The following ITGA8 variants were observed in gnomAD, a reference collection of about 807,000 sequenced individuals.
The protein encoded by ITGA8 is integrin alpha-8.
ITGA8 carries 91 observed loss-of-function variants against 142.3 expected under a neutral mutation model. That is an observed-to-expected ratio of 0.64 (90% confidence interval 0.54 to 0.76). The LOEUF (loss-of-function observed/expected upper bound fraction) is 0.76, where lower values mean the gene tolerates loss of function less well. Among genes scored for constraint, ITGA8 ranks in the 30% least tolerant of loss-of-function variants. The pLI is 0.00. For missense variants in ITGA8, 1,406 were observed against 1,327.7 expected (o/e 1.06, Z -0.92); for synonymous variants, 505 against 485.2 (o/e 1.04, Z -0.54).
intron 27 of ITGA8, among the ~76,000 whole-genome samples, chr10:15,531,985 C>T (rs1833308988): frequency 7.1e-6 from 1 of 139,968 alleles, no homozygotes; most frequent in Non-Finnish European, 1.5e-5. Context: ...ACAGATTACA[C>T]AAGACTCACA....
intron 19 of ITGA8, among the ~76,000 whole-genome samples, chr10:15,605,325 G>C (rs984845345): frequency 6.6e-6 from 1 of 152,146 alleles, no homozygotes; most frequent in African/African-American, 2.4e-5. Flanking sequence ...TGTTTTGACA[G>C]TTTTAAGGAT....
intron 11 of ITGA8, among the ~76,000 whole-genome samples, chr10:15,649,172 A>T (rs1463479417): frequency 6.6e-6 from 1 of 152,144 alleles, no homozygotes; most frequent in Non-Finnish European, 1.5e-5. Flanking sequence ...GGGCATTCCA[A>T]CTAATTTATT....
chr10:15,517,118 G>T lies in ITGA8; in HGVS notation c.*40C>A. ...ATGTTCTTTCTTTTTCTTTGAACAG[G>T]ACCAGTGTTTGAGGTCTTTGGTCTT... On this transcript the variant is annotated 3_prime_UTR_variant, in exon 30 of 30. Coordinates refer to ENST00000378076, the MANE Select transcript of ITGA8 (RefSeq NM_003638.3). The T allele has an allele frequency of 7.1e-7, 1 of 1,411,390 alleles. No individual in the cohort carries two copies. Among genetic ancestry groups the T allele is most frequent in the Non-Finnish European group, 9.9e-7 (1 of 1,006,072 alleles). The allele number at this position is 1,411,390 out of a possible 1,614,324, so 87.4% of individuals were successfully genotyped here.
rs1415622901 is a variant in ITGA8, at chr10:15,719,478, G to T, written c.209+85C>A. ...CGGCAGGACGGGGATCCCAGGCTGC[G>T]GGGGGACTCCGCGGCAGAGCCGCTG... On this transcript the variant is annotated intron_variant, in intron 1 of 29. Transcript: ENST00000378076. The T allele has an allele frequency of 3.1e-6, 4 of 1,271,668 alleles. No homozygotes were observed. In the South Asian group the frequency reaches 4.5e-5, roughly 14 times the overall value. The allele number at this position is 1,271,668 out of a possible 1,614,324, so 78.8% of individuals were successfully genotyped here.
intron 26 of ITGA8, among the ~76,000 whole-genome samples, chr10:15,550,555 C>T (rs188885696): frequency 2.6e-5 from 4 of 152,240 alleles, no homozygotes; most frequent in Admixed American, 6.5e-5. Context: ...TGGAATGAGC[C>T]ATGAAGGTAT....
intron 26 of ITGA8, among the ~76,000 whole-genome samples, chr10:15,553,240 G>C (rs1833823904): frequency 6.7e-6 from 1 of 149,910 alleles, no homozygotes; most frequent in Non-Finnish European, 1.5e-5. Flanking sequence ...CTGGGCGACA[G>C]AACGAGACTC....
At chr10:15,685,759 A>T (rs1008042826) in intron 3 of ITGA8, among the ~76,000 whole-genome samples, 1 of 152,228 alleles carries the variant, frequency 6.6e-6, no homozygotes, top group African/African-American at 2.4e-5. Flanking sequence ...TAGTTTGCCT[A>T]ATATCAGAAA....
intron 2 of ITGA8, among the ~76,000 whole-genome samples, chr10:15,696,056 T>G (rs144052979): frequency 1.8e-4 from 27 of 152,340 alleles, no homozygotes; most frequent in African/African-American, 6.5e-4. Context: ...CTTTCTGTTT[T>G]CCTAACCAAA....
intron 28 of ITGA8, among the ~76,000 whole-genome samples, chr10:15,522,009 A>T (rs1239973769): frequency 6.6e-6 from 1 of 152,194 alleles, no homozygotes; most frequent in Non-Finnish European, 1.5e-5. Flanking sequence ...GGTAGAAGGG[A>T]TACATTCTAG....
chr10:15,529,593 C>T (rs1173218449), intron 28 of ITGA8, among the ~76,000 whole-genome samples: 1 of 152,158 alleles, frequency 6.6e-6, no homozygotes, highest in East Asian at 1.9e-4. Context: ...CCACCCCAGA[C>T]CTACTGAATA....
intron 3 of ITGA8, among the ~76,000 whole-genome samples, chr10:15,687,056 C>G (rs774449950): frequency 3.5e-4 from 54 of 152,138 alleles, no homozygotes; most frequent in Non-Finnish European, 5.0e-4. Context: ...TATATTAATG[C>G]AAAGACAACT....
At chr10:15,549,980 A>G (rs1305737429) in intron 26 of ITGA8, among the ~76,000 whole-genome samples, 1 of 152,092 alleles carries the variant, frequency 6.6e-6, no homozygotes, top group Non-Finnish European at 1.5e-5. Context: ...TTGTTTGGCT[A>G]TGTCCCCACC....
intron 19 of ITGA8, 132 bp from the exon 20 acceptor site, chr10:15,604,487 G>T: frequency 1.9e-6 from 1 of 531,546 alleles, no homozygotes; most frequent in Non-Finnish European, 3.0e-6. Context: ...ATCATGAAGA[G>T]ATGGTAGGAA....
intron 1 of ITGA8, 68 bp downstream of exon 1, chr10:15,719,495 G>T: frequency 7.1e-7 from 1 of 1,407,952 alleles, no homozygotes; most frequent in Non-Finnish European, 9.3e-7. Flanking sequence ...CTCCGCGGCA[G>T]AGCCGCTGGG....
At chr10:15,544,387 AT>A (rs1339179812) in intron 27 of ITGA8, among the ~76,000 whole-genome samples, 3 of 152,336 alleles carry the variant, frequency 2.0e-5, no homozygotes, top group African/African-American at 7.2e-5. Flanking sequence ...GGGGTAGTTT[AT>A]TCCTCAGAGC....
At chr10:15,575,955 GTGTGTGTGAGTGTGTGTGTGTGTGTGTA>G in intron 23 of ITGA8, among the ~76,000 whole-genome samples, 1 of 150,788 alleles carries the variant, frequency 6.6e-6, no homozygotes, top group South Asian at 2.1e-4. Flanking sequence ...GTGTGTGTGT[GTGTGTGTGAGTGTGTGTGTGTGTGTGTA>G]TGGGTTATTT....
At chr10:15,575,948 TGTGTGTGTGTGTGTGA>T (rs1196506270) in intron 23 of ITGA8, among the ~76,000 whole-genome samples, 3 of 150,602 alleles carry the variant, frequency 2.0e-5, no homozygotes, top group African/African-American at 5.0e-5. Context: ...AACGTGTGTG[TGTGTGTGTGTGTGTGA>T]GTGTGTGTGT....
At position 15,592,257 on chromosome 10, in the gene ITGA8, G is replaced by A; in HGVS notation, c.2259C>T (p.Asn753=). Residue 753 remains asparagine, a synonymous_variant, in exon 22 of 30, where the codon AAC becomes AAT. Transcript: ENST00000378076. ...RFAVPRLEKT[N]MSINFDLQIR... Reference sequence around the variant, plus strand: ...TTTGGAGATCGAAGTTAATGCTCATGTTTGTTTTCTCAAGACGTGGAACTG... The same window carrying A: ...TTTGGAGATCGAAGTTAATGCTCATATTTGTTTTCTCAAGACGTGGAACTG... 3.1e-6 allele frequency: 5 copies of A among 1,613,866 alleles called. No homozygotes were observed. The highest frequency in any genetic ancestry group is 4.2e-6 in the Non-Finnish European group (5 of 1,179,762).
intron 8 of ITGA8, among the ~76,000 whole-genome samples, chr10:15,665,102 C>T (rs1390271819): frequency 6.6e-6 from 1 of 152,178 alleles, no homozygotes; most frequent in African/African-American, 2.4e-5. Flanking sequence ...CTGACTTCCA[C>T]AATGGTTGAA....
Sources: allele counts gnomAD v4.1 joint callset (sites outside exome capture counted in the v4.1 genomes callset), GRCh38; gene constraint gnomAD v4.1.1; transcripts MANE v1.5; gene names NCBI Gene and HGNC (gene_info 2026-07-23, HGNC 2026-07-21).